Variants in JCAD observed in about 807,000 individuals in gnomAD.
JCAD encodes junctional cadherin 5-associated protein.
Under a neutral mutation model 98.0 loss-of-function variants are expected in JCAD, and 40 were observed. That is an observed-to-expected ratio of 0.41 (90% CI 0.32 to 0.53). The LOEUF (loss-of-function observed/expected upper bound fraction) is 0.53. Ranked by LOEUF, JCAD falls within the 20% of genes least tolerant of loss-of-function variation. JCAD has a pLI of 0.31. For synonymous variants in JCAD, 691 were observed against 682.3 expected (o/e 1.01, Z -0.20); for missense variants, 1,705 against 1,738.1 (o/e 0.98, Z 0.34).
At chr10:30,098,447 G>A (rs1838413208) in intron 1 of JCAD, among the ~76,000 whole-genome samples, 1 of 151,952 alleles carries the variant, frequency 6.6e-6, no homozygotes, top group African/African-American at 2.4e-5. Context: ...GTCACTCTTC[G>A]CCCTGCATTT....
At position 30,026,109 on chromosome 10, in the gene JCAD, ACCAGAAGTCTTGAT is replaced by A; in HGVS notation, c.4025_4038del (p.Asp1342ValfsTer6). Reference sequence around the variant, plus strand: ...TGTCTGCCTGATTCCTCACCTGGGCACCAGAAGTCTTGATCCATGCTCTTCTCCTTTTGTGCTGC... The same window carrying A: ...TGTCTGCCTGATTCCTCACCTGGGCACCATGCTCTTCTCCTTTTGTGCTGC... On this transcript the variant is annotated frameshift_variant, in exon 3 of 4. Coordinates refer to ENST00000375377, the MANE Select transcript of JCAD (RefSeq NM_020848.4). LOFTEE classifies it high-confidence loss of function. 1 of 1,614,130 alleles carries A rather than the reference ACCAGAAGTCTTGAT, an allele frequency of 6.2e-7. No homozygotes were observed. The highest frequency in any genetic ancestry group is 8.5e-7 in the Non-Finnish European group (1 of 1,180,026).
At position 30,028,384 on chromosome 10, in the gene JCAD, T is replaced by C. The variant is rs148730756; in HGVS notation, c.1764A>G (p.Lys588=). Reference sequence around the variant, plus strand: ...CTCTATCTGGCAGATGTGATTCTGATTTCACTGGGATAGAAACCAAGCAAA... The same window carrying C: ...CTCTATCTGGCAGATGTGATTCTGACTTCACTGGGATAGAAACCAAGCAAA... ...TIFCLVSIPV[K]SESHLPDRDM... Residue 588 remains lysine, a synonymous_variant, in exon 3 of 4, where the codon AAA becomes AAG. Coordinates refer to ENST00000375377, the MANE Select transcript of JCAD (RefSeq NM_020848.4). The C allele has an allele frequency of 5.0e-6, 8 of 1,614,120 alleles. No homozygotes were observed. The highest frequency in any genetic ancestry group is 6.8e-6 in the Non-Finnish European group (8 of 1,180,050).
intron 1 of JCAD, among the ~76,000 whole-genome samples, chr10:30,070,063 A>G (rs1008471934): frequency 1.3e-5 from 2 of 152,198 alleles, no homozygotes; most frequent in South Asian, 4.1e-4. Context: ...CAAAACTTCT[A>G]CAGCAAATCA....
In JCAD at chr10:30,028,751, C is replaced by T; in HGVS notation, c.1397G>A (p.Gly466Glu). ...SPVTAQEPAHGGMQPDGAIWN... is the reference protein window; with the variant it reads ...SPVTAQEPAHEGMQPDGAIWN... ...AATGGCACCATCAGGCTGCATTCCT[C>T]CATGAGCCGGCTCTTGAGCAGTGAC... Residue 466 changes from glycine (G) to glutamate (E), a missense_variant, in exon 3 of 4, where the codon GGA (glycine) becomes GAA (glutamate). By Grantham distance (98) the Gly-to-Glu change is moderately conservative (BLOSUM62 -2). Around this residue, in one of 3 missense-constraint regions of JCAD, gnomAD observed 1,278 missense variants for 1,243.1 expected, o/e 1.03. Coordinates refer to ENST00000375377, the MANE Select transcript of JCAD (RefSeq NM_020848.4). 6.2e-7 allele frequency: 1 copy of T among 1,614,212 alleles called. No individual in the cohort carries two copies. Among genetic ancestry groups the T allele is most frequent in the Non-Finnish European group, 8.5e-7 (1 of 1,180,036 alleles).
intron 2 of JCAD, among the ~76,000 whole-genome samples, chr10:30,037,957 T>C (rs933249271): frequency 2.7e-5 from 3 of 111,096 alleles, no homozygotes; most frequent in Admixed American, 8.4e-5. Context: ...AAAAAAAAAG[T>C]TGGAAGCCAT....
intron 2 of JCAD, among the ~76,000 whole-genome samples, chr10:30,034,882 G>A (rs1023690426): frequency 1.3e-5 from 2 of 152,156 alleles, no homozygotes; most frequent in South Asian, 2.1e-4. Context: ...GGAAGTATGC[G>A]GTTGGTGCTT....
chr10:30,066,041 CAATAAATAG>C (rs1837778770), intron 2 of JCAD, among the ~76,000 whole-genome samples: 1 of 152,108 alleles, frequency 6.6e-6, no homozygotes, highest in South Asian at 2.1e-4. Context: ...GGATGGAGCA[CAATAAATAG>C]AAATGATCTG....
chr10:30,070,360 TAAGATC>T (rs1564462518), intron 1 of JCAD, among the ~76,000 whole-genome samples: 2 of 152,142 alleles, frequency 1.3e-5, no homozygotes, highest in African/African-American at 4.8e-5. Flanking sequence ...TCAGCGCTGA[TAAGATC>T]CAGCAGGATG....
intron 2 of JCAD, among the ~76,000 whole-genome samples, chr10:30,042,185 C>T (rs1214773719): frequency 6.6e-6 from 1 of 152,160 alleles, no homozygotes; most frequent in African/African-American, 2.4e-5. Context: ...AATGCCAAGT[C>T]TTTAGTGTTA....
chr10:30,026,999 G>C lies in JCAD; in HGVS notation c.3149C>G (p.Ser1050Cys). Residue 1050 changes from serine (S) to cysteine (C), a missense_variant, in exon 3 of 4, where the codon TCT becomes TGT. This residue lies in a region of JCAD where 1,278 missense variants were observed against 1,243.1 expected (regional missense o/e 1.03). Transcript: ENST00000375377. ...NRGLSAPDLR[S>C]VGLTPGQEQG... ...TTCTTGCCCAGGGGTGAGCCCCACA[G>C]ACCGTAAGTCTGGAGCTGAGAGCCC... is the stretch of plus-strand genomic sequence containing the variant. 6.2e-7 allele frequency: 1 copy of C among 1,614,202 alleles called. No homozygotes were observed. The highest frequency in any genetic ancestry group is 8.5e-7 in the Non-Finnish European group (1 of 1,180,032).
chr10:30,023,475 G>C (rs1003365469), intron 3 of JCAD, among the ~76,000 whole-genome samples: 7 of 152,178 alleles, frequency 4.6e-5, no homozygotes, highest in African/African-American at 1.7e-4. Flanking sequence ...GACTAGGTGT[G>C]TAGTAGATTC....
chr10:30,052,471 G>A (rs1332724842), intron 1 of JCAD, among the ~76,000 whole-genome samples: 1 of 152,184 alleles, frequency 6.6e-6, no homozygotes, highest in Non-Finnish European at 1.5e-5. Flanking sequence ...CCACGACACA[G>A]AACAGGGCTA....
At chr10:30,033,823 GC>G (rs1448954521) in intron 2 of JCAD, among the ~76,000 whole-genome samples, 1 of 152,176 alleles carries the variant, frequency 6.6e-6, no homozygotes, top group Non-Finnish European at 1.5e-5. Context: ...AATCACAGAG[GC>G]AGAAGGCTGT....
upstream of JCAD, among the ~76,000 whole-genome samples, chr10:30,061,257 T>TG (rs1837695955): frequency 6.6e-6 from 1 of 151,928 alleles, no homozygotes; most frequent in Non-Finnish European, 1.5e-5. Context: ...GTCAAGAAAA[T>TG]GGTGGCCGGG....
At position 30,028,895 on chromosome 10, in the gene JCAD, T is replaced by G. The variant is rs1261990221; in HGVS notation, c.1253A>C (p.Asp418Ala). Residue 418 changes from aspartate (D) to alanine (A), a missense_variant, in exon 3 of 4, where the codon GAC (aspartate) becomes GCC (alanine). By Grantham distance (126) the Asp-to-Ala change is moderately radical. Around this residue, in one of 3 missense-constraint regions of JCAD, gnomAD observed 1,278 missense variants for 1,243.1 expected, o/e 1.03. Transcript: ENST00000375377. ...PAHPRPVTAY[D>A]GFVQYIPFDD... ...AAAGGGAATGTACTGAACGAAGCCG[T>G]CATAGGCAGTGACAGGTCGGGGATG... is the stretch of plus-strand genomic sequence containing the variant. 6.2e-7 allele frequency: 1 copy of G among 1,614,104 alleles called. No individual in the cohort carries two copies. Among genetic ancestry groups the G allele is most frequent in the South Asian group, 1.1e-5 (1 of 91,074 alleles).
In JCAD at chr10:30,028,004, C is replaced by T; in HGVS notation, c.2144G>A (p.Arg715His). 2 of 1,614,240 alleles carry T rather than the reference C, an allele frequency of 1.2e-6. No homozygotes were observed. The highest frequency in any genetic ancestry group is 1.3e-5 in the African/African-American group (1 of 75,058). The change falls in exon 3 of 4, where the codon CGT (arginine) becomes CAT (histidine). Residue 715 changes from arginine to histidine, a missense_variant. Physicochemically the swap from Arg to His is conservative, Grantham distance 29. This residue lies in a region of JCAD where 1,278 missense variants were observed against 1,243.1 expected (regional missense o/e 1.03). Transcript: ENST00000375377. ...LPGAKLGGPS[R>H]AALSPKCSDP... ...TGAACATTTTGGACTCAATGCTGCA[C>T]GACTCGGCCCTCCCAGCTTTGCACC... is the stretch of plus-strand genomic sequence containing the variant.
At chr10:30,074,566 A>T (rs1837948976) in intron 1 of JCAD, among the ~76,000 whole-genome samples, 1 of 152,234 alleles carries the variant, frequency 6.6e-6, no homozygotes, top group East Asian at 1.9e-4. Context: ...CGATCCCCTC[A>T]TGGGAGGAGA....
At position 30,053,187 on chromosome 10, in the gene JCAD, G is replaced by T. The variant is rs1339673047; in HGVS notation, c.-59-5316C>A. ...GGTAAGGGCATGAGGAGCTATAAGG[G>T]TTCTCCTGTTTGTGTGTGTATAAAT... On this transcript the variant is annotated intron_variant, in intron 1 of 3. Coordinates refer to ENST00000375377, the MANE Select transcript of JCAD (RefSeq NM_020848.4). 3.3e-5 allele frequency among the ~76,000 whole-genome samples: 5 copies of T among 150,848 alleles called. No homozygotes were observed. The East Asian group carries it at 5.8e-4, about 18-fold the overall frequency.
rs776985960 is a variant in JCAD, at chr10:30,027,006, A to G, written c.3142T>C (p.Leu1048=). The G allele has an allele frequency of 2.3e-5, 37 of 1,614,086 alleles. No individual in the cohort carries two copies. Among genetic ancestry groups the G allele is most frequent in the Non-Finnish European group, 3.0e-5 (35 of 1,180,040 alleles). ...NKNRGLSAPD[L]RSVGLTPGQE... ...CCAGGGGTGAGCCCCACAGACCGTA[A>G]GTCTGGAGCTGAGAGCCCTCGGTTC... is the stretch of plus-strand genomic sequence containing the variant. The change falls in exon 3 of 4, where the codon TTA becomes CTA. Residue 1048 remains leucine, a synonymous_variant. Coordinates refer to ENST00000375377, the MANE Select transcript of JCAD (RefSeq NM_020848.4).
Sources: allele counts gnomAD v4.1 joint callset (sites outside exome capture counted in the v4.1 genomes callset), GRCh38; gene constraint gnomAD v4.1.1; regional missense constraint gnomAD v4.1.1; transcripts MANE v1.5; gene names NCBI Gene and HGNC (gene_info 2026-07-23, HGNC 2026-07-21).